Variants in ACYP2 observed in about 807,000 individuals in gnomAD.
ACYP2 encodes the protein acylphosphatase-2.
Under a neutral mutation model 11.2 loss-of-function variants are expected in ACYP2, and 12 were observed. The ratio of observed to expected loss-of-function variants is 1.08; its 90% confidence interval spans 0.69 to 1.74. The LOEUF is 1.74. Among genes scored for constraint, ACYP2 ranks in the 40% most tolerant of loss-of-function variants. ACYP2 has a pLI of 0.00. For missense variants in ACYP2, 134 were observed against 101.9 expected, an observed-to-expected ratio of 1.31 and a Z score of -1.35; for synonymous variants, 43 against 32.2, an observed-to-expected ratio of 1.33 and a Z score of -1.13.
chr2:53,981,903 T>G (rs192997312), intron 2 of ACYP2, among the ~76,000 whole-genome samples: 1 of 152,348 alleles, frequency 6.6e-6, no homozygotes, highest in East Asian at 1.9e-4. Context: ...ATTTATTTAA[T>G]GATAAAAAAT....
At position 54,240,640 on chromosome 2, in the gene ACYP2, T is replaced by C. The variant is rs146533664; in HGVS notation, c.405-64048T>C. 3.5e-4 allele frequency among the ~76,000 whole-genome samples: 53 copies of C among 152,338 alleles called. 1 individual carries two copies. The East Asian group carries it at 9.5e-3, about 27-fold the overall frequency. On this transcript the variant is annotated intron_variant, in intron 6 of 6. Transcript: ENST00000607452. ...CCTGCCTCATCATACTTGTGACAAG[T>C]TGAATTCCTAAGACTCAGGCTCGTA...
intron 6 of ACYP2, among the ~76,000 whole-genome samples, chr2:54,226,379 T>C (rs1347506513): frequency 6.6e-6 from 1 of 152,250 alleles, no homozygotes; most frequent in Non-Finnish European, 1.5e-5. Flanking sequence ...CCATTGTTAT[T>C]ACTGGCTGTA....
chr2:54,293,864 A>G (rs1689414759), intron 6 of ACYP2, among the ~76,000 whole-genome samples: 1 of 152,244 alleles, frequency 6.6e-6, no homozygotes, highest in Non-Finnish European at 1.5e-5. Flanking sequence ...ATTTGATAAT[A>G]AAGGAGTCTA....
At chr2:53,993,675 C>T (rs760110435) in intron 2 of ACYP2, among the ~76,000 whole-genome samples, 27 of 146,868 alleles carry the variant, frequency 1.8e-4, no homozygotes, top group African/African-American at 6.6e-4. Context: ...CCAGCCTGAG[C>T]GACAGAGTGA....
In ACYP2 at chr2:54,241,988, T is replaced by G. The variant is rs137897398; in HGVS notation, c.405-62700T>G. On this transcript the variant is annotated intron_variant, in intron 6 of 6. Coordinates refer to ENST00000607452, the MANE Select transcript of ACYP2 (RefSeq NM_001320586.2). ...AAGATCACGCCATTGCACTCCAGCC[T>G]AGGTGACACAGCAAGACACTGTATC... Among the ~76,000 whole-genome samples the G allele has an allele frequency of 3.5e-3, 527 of 152,246 alleles. 4 individuals carry two copies. The highest frequency in any genetic ancestry group is 0.012 in the African/African-American group (493 of 41,538).
rs201390662 is a variant in ACYP2, at chr2:53,973,846, G to GAT, written c.62+45_62+46dup. Reference sequence around the variant, plus strand: ...TAAAAGGAGGGATTTTTGAATGTGGGATATATATATGTGTGTGTGTGTGTG... The same window carrying GAT: ...TAAAAGGAGGGATTTTTGAATGTGGGATATATATATATGTGTGTGTGTGTGTG... On this transcript the variant is annotated intron_variant, in intron 2 of 6. Transcript: ENST00000607452. 414 of 153,376 alleles carry GAT rather than the reference G, an allele frequency of 2.7e-3. 24 individuals carry two copies. The highest frequency in any genetic ancestry group is 0.012 in the African/African-American group (278 of 23,054). 9.5% of individuals were successfully genotyped at this position (153,376 alleles called of 1,614,324 possible). A position where few individuals can be genotyped will look rare whatever the true frequency, so the allele number is the denominator to read the frequency against.
intron 6 of ACYP2, among the ~76,000 whole-genome samples, chr2:54,267,965 T>C (rs1688112267): frequency 6.6e-6 from 1 of 152,190 alleles, no homozygotes; most frequent in Non-Finnish European, 1.5e-5. Context: ...TCAAATAAAT[T>C]CAAATAAAGT....
In ACYP2 at chr2:54,291,955, TAACTA is replaced by T. The variant is rs149428808; in HGVS notation, c.405-12727_405-12723del. Among the ~76,000 whole-genome samples, 456 of 152,324 alleles carry T rather than the reference TAACTA, an allele frequency of 3.0e-3. 3 individuals are homozygous for T. Among genetic ancestry groups the T allele is most frequent in the African/African-American group, 0.01 (429 of 41,558 alleles). On this transcript the variant is annotated intron_variant, in intron 6 of 6. Transcript: ENST00000607452. The stretch of plus-strand genomic sequence containing the variant: ...GGGGTATGCACTGGTGACTTCCTAT[TAACTA>T]AACTATTTTACAACTCTGTAAGGTA...
chr2:54,090,336 A>G (rs866353069), intron 4 of ACYP2, among the ~76,000 whole-genome samples: 2 of 151,812 alleles, frequency 1.3e-5, no homozygotes, highest in Non-Finnish European at 2.9e-5. Context: ...GGCATCCTCA[A>G]AAAAGTGTTT....
intron 6 of ACYP2, among the ~76,000 whole-genome samples, chr2:54,149,626 T>G (rs1682052932): frequency 6.6e-6 from 1 of 152,232 alleles, no homozygotes; most frequent in African/African-American, 2.4e-5. Flanking sequence ...ATATTTTCCA[T>G]AAAGACTCAA....
chr2:53,976,800 T>A (rs1275734115), intron 2 of ACYP2, among the ~76,000 whole-genome samples: 3 of 152,188 alleles, frequency 2.0e-5, no homozygotes, highest in African/African-American at 7.2e-5. Flanking sequence ...ATAAGGAAAA[T>A]CACAGCTAAA....
intron 2 of ACYP2, among the ~76,000 whole-genome samples, chr2:53,994,069 G>T (rs766140444): frequency 6.6e-6 from 1 of 151,994 alleles, no homozygotes; most frequent in South Asian, 2.1e-4. Context: ...AGTGGCTCAC[G>T]CCTGTAATCC....
intron 6 of ACYP2, among the ~76,000 whole-genome samples, chr2:54,201,863 C>T (rs1018466699): frequency 2.6e-5 from 4 of 151,528 alleles, no homozygotes; most frequent in African/African-American, 9.7e-5. Flanking sequence ...TGTGCGCCCC[C>T]ACGCCTGGCT....
At chr2:54,251,975 G>GCAAA (rs1040221467) in intron 6 of ACYP2, among the ~76,000 whole-genome samples, 1 of 152,162 alleles carries the variant, frequency 6.6e-6, no homozygotes, top group African/African-American at 2.4e-5. Context: ...GGGAACCAGT[G>GCAAA]CAAACACTGA....
chr2:54,072,305 AT>A (rs1211970313), intron 4 of ACYP2, among the ~76,000 whole-genome samples: 3 of 151,990 alleles, frequency 2.0e-5, no homozygotes, highest in Non-Finnish European at 4.4e-5. Flanking sequence ...GCCTTATTTT[AT>A]TTATTTTATT....
At chr2:54,024,180 A>G (rs962241129) in intron 2 of ACYP2, among the ~76,000 whole-genome samples, 1 of 152,134 alleles carries the variant, frequency 6.6e-6, no homozygotes, top group Admixed American at 6.6e-5. Context: ...CCTAGCTAAC[A>G]TGGCAAAACC....
chr2:53,991,127 GATGCTGCTGGTCAAGTGTTCAAAGGT>G (rs1314975729), intron 2 of ACYP2, among the ~76,000 whole-genome samples: 1 of 152,136 alleles, frequency 6.6e-6, no homozygotes, highest in African/African-American at 2.4e-5. Context: ...GCTTCCAGGT[GATGCTGCTGGTCAAGTGTTCAAAGGT>G]ATGCTGCTGG....
chr2:54,256,067 T>C (rs1427089970), intron 6 of ACYP2: 3 of 1,614,088 alleles, frequency 1.9e-6, no homozygotes, highest in East Asian at 2.2e-5. Flanking sequence ...GCCTTGCTCT[T>C]TTCTCGGGAC....
intron 6 of ACYP2, among the ~76,000 whole-genome samples, chr2:54,248,377 T>C (rs1005141313): frequency 6.6e-6 from 1 of 152,148 alleles, no homozygotes; most frequent in Non-Finnish European, 1.5e-5. Context: ...ACTCTACACA[T>C]TTAGAACTAA....
Sources: allele counts gnomAD v4.1 joint callset (sites outside exome capture counted in the v4.1 genomes callset), GRCh38; gene constraint gnomAD v4.1.1; transcripts MANE v1.5; gene names NCBI Gene and HGNC (gene_info 2026-07-23, HGNC 2026-07-21).